The following MTUS2 variants were observed in gnomAD, a reference collection of about 807,000 sequenced individuals.
The protein encoded by MTUS2 is microtubule-associated tumor suppressor candidate 2.
MTUS2 carries 40 observed loss-of-function variants against 114.1 expected under a neutral mutation model. The observed-to-expected ratio is 0.35, with a 90% CI of 0.27 to 0.46. The LOEUF is 0.46. Among genes scored for constraint, MTUS2 ranks in the 20% least tolerant of loss-of-function variants. MTUS2 has a pLI of 1.00. For missense variants in MTUS2, 1,679 were observed against 1,705.4 expected, an observed-to-expected ratio of 0.98 and a Z score of 0.27; for synonymous variants, 688 against 672.0, an observed-to-expected ratio of 1.02 and a Z score of -0.37.
chr13:28,975,027 T>G (rs192471284), intron 2 of MTUS2, among the ~76,000 whole-genome samples: 1 of 152,322 alleles, frequency 6.6e-6, no homozygotes, highest in African/African-American at 2.4e-5. Flanking sequence ...ATCCTTCAGT[T>G]ATAAAAGAAG....
At chr13:28,938,247 T>C (rs1312584765) in intron 2 of MTUS2, among the ~76,000 whole-genome samples, 1 of 152,142 alleles carries the variant, frequency 6.6e-6, no homozygotes, top group African/African-American at 2.4e-5. Context: ...CTGGGCATGG[T>C]GTCGCGTGCC....
At chr13:28,894,753 A>G (rs1805023932) in intron 2 of MTUS2, among the ~76,000 whole-genome samples, 1 of 152,236 alleles carries the variant, frequency 6.6e-6, no homozygotes, top group African/African-American at 2.4e-5. Context: ...TTGTGTGACA[A>G]ATTTTGGTAA....
intron 4 of MTUS2, among the ~76,000 whole-genome samples, chr13:29,083,276 C>T (rs926379034): frequency 1.1e-4 from 16 of 152,234 alleles, no homozygotes; most frequent in South Asian, 2.1e-4. Context: ...ACGAGTGTGT[C>T]GAATGTCGAA....
chr13:29,479,292 A>G (rs578107182), intron 9 of MTUS2, among the ~76,000 whole-genome samples: 1 of 152,140 alleles, frequency 6.6e-6, no homozygotes, highest in Non-Finnish European at 1.5e-5. Flanking sequence ...TTTGACCTAG[A>G]TGTAGTCGAT....
At chr13:29,416,631 T>A (rs558101595) in intron 8 of MTUS2, among the ~76,000 whole-genome samples, 4 of 152,312 alleles carry the variant, frequency 2.6e-5, no homozygotes, top group African/African-American at 9.6e-5. Flanking sequence ...CAAGATTCCC[T>A]AAGGTTTTGT....
At chr13:29,449,636 A>G (rs1011698543) in intron 9 of MTUS2, among the ~76,000 whole-genome samples, 27 of 152,010 alleles carry the variant, frequency 1.8e-4, no homozygotes, top group African/African-American at 6.0e-4. Context: ...CTAAGTATCT[A>G]TAGCATTCGC....
rs187501027 is a variant in MTUS2 at position 28,952,433 on chromosome 13, T to C, written c.-242-72024T>C. On this transcript the variant is annotated intron_variant, in intron 2 of 15. Transcript: ENST00000612955. ...AATGGATCATGTACATTCCTGCAAATTAGTAGATGCAGATCTAACTGCATC... is the reference window on the plus strand; with the variant it reads ...AATGGATCATGTACATTCCTGCAAACTAGTAGATGCAGATCTAACTGCATC... Among the ~76,000 whole-genome samples, 212 of 152,370 alleles carry C rather than the reference T, an allele frequency of 1.4e-3. 1 individual carries two copies. The highest frequency in any genetic ancestry group is 4.6e-3 in the African/African-American group (192 of 41,590).
At chr13:29,318,533 A>G (rs1043437640) in intron 6 of MTUS2, among the ~76,000 whole-genome samples, 29 of 152,194 alleles carry the variant, frequency 1.9e-4, no homozygotes, top group African/African-American at 4.6e-4. Context: ...TTTAAAATCT[A>G]TAATTGACAC....
chr13:29,244,828 C>T (rs574145494), intron 5 of MTUS2, among the ~76,000 whole-genome samples: 7 of 148,596 alleles, frequency 4.7e-5, no homozygotes, highest in South Asian at 4.4e-4. Flanking sequence ...TAGTGGCGGG[C>T]GCCTGTAGTC....
At chr13:29,442,858 T>C (rs1247232185) in intron 9 of MTUS2, among the ~76,000 whole-genome samples, 2 of 152,244 alleles carry the variant, frequency 1.3e-5, no homozygotes, top group Non-Finnish European at 2.9e-5. Context: ...ATAGTTCAGC[T>C]AGAACAATGT....
intron 2 of MTUS2, among the ~76,000 whole-genome samples, chr13:28,869,187 C>T (rs1179568196): frequency 1.3e-5 from 2 of 152,200 alleles, no homozygotes; most frequent in African/African-American, 4.8e-5. Context: ...CACTCCTACA[C>T]TCGTTGGACC....
chr13:29,261,369 A>AG (rs1162246525), intron 5 of MTUS2, among the ~76,000 whole-genome samples: 1 of 152,172 alleles, frequency 6.6e-6, no homozygotes, highest in African/African-American at 2.4e-5. Flanking sequence ...ATACAGGAAA[A>AG]GGGTTTAGGG....
In MTUS2 at chr13:29,496,729, G is replaced by A. The variant is rs1391514003; in HGVS notation, c.3580-509G>A. ...GGGTTCTAGGGACATTCAGGAGGCA[G>A]GATGGCAGGAGTTGATTATGGACTT... On this transcript the variant is annotated intron_variant, in intron 12 of 15. Transcript: ENST00000612955. This position sits in a 1 kb window ranked among gnomAD's most constrained non-coding sequence, Gnocchi z 4.3. Among the ~76,000 whole-genome samples the A allele has an allele frequency of 6.6e-6, 1 of 152,204 alleles. No homozygotes were observed. The highest frequency in any genetic ancestry group is 1.5e-5 in the Non-Finnish European group (1 of 68,036).
chr13:29,025,005 A>G lies in MTUS2; in HGVS notation c.307A>G (p.Thr103Ala), dbSNP rs539875784. The change falls in exon 3 of 16, where the codon ACC (threonine) becomes GCC (alanine). Residue 103 changes from threonine (T) to alanine (A), a missense_variant. Coordinates refer to ENST00000612955, the MANE Select transcript of MTUS2 (RefSeq NM_001033602.4). The part of the protein sequence containing the change: ...ASLKDFRLSS[T>A]IQRELNEEHT... ...CCTGAAAGATTTTAGACTTTCTTCA[A>G]CCATTCAGAGGGAACTCAATGAAGA... 84 of 1,613,956 alleles carry G rather than the reference A, an allele frequency of 5.2e-5. No individual in the cohort carries two copies. The highest frequency in any genetic ancestry group is 9.9e-5 in the South Asian group (9 of 91,074).
At chr13:29,488,266 A>G (rs1881780821) in intron 11 of MTUS2, 1 of 477,300 alleles carries the variant, frequency 2.1e-6, no homozygotes, top group South Asian at 2.2e-5. Context: ...GAGCGGTAAC[A>G]AAAGACCAAT....
intron 2 of MTUS2, among the ~76,000 whole-genome samples, chr13:28,877,751 A>G (rs1878033600): frequency 6.6e-6 from 1 of 152,322 alleles, no homozygotes; most frequent in East Asian, 1.9e-4. Flanking sequence ...TGTATATTTT[A>G]TCTCTTGATG....
At chr13:28,916,715 A>G (rs948962539) in intron 2 of MTUS2, among the ~76,000 whole-genome samples, 2 of 151,800 alleles carry the variant, frequency 1.3e-5, no homozygotes, top group African/African-American at 4.8e-5. Context: ...ATCTACAAAC[A>G]AAAATAATTT....
intron 3 of MTUS2, among the ~76,000 whole-genome samples, chr13:29,029,786 G>A (rs537561829): frequency 6.6e-6 from 1 of 152,102 alleles, no homozygotes; most frequent in Non-Finnish European, 1.5e-5. Context: ...TGGAGGAGGT[G>A]CCAGGCCTCT....
chr13:29,079,020 A>G (rs1057472133), intron 4 of MTUS2, among the ~76,000 whole-genome samples: 2 of 152,180 alleles, frequency 1.3e-5, no homozygotes, highest in Non-Finnish European at 2.9e-5. Context: ...TGGCTGCACT[A>G]TTTTACATTC....
Sources: gnomAD v4.1 joint callset for allele counts (sites outside exome capture counted in the v4.1 genomes callset) on GRCh38, gnomAD v4.1.1 for gene constraint, Gnocchi (gnomAD v3.1) non-coding constraint, MANE v1.5 for transcripts, NCBI Gene and HGNC (gene_info 2026-07-23, HGNC 2026-07-21) for gene names.